The following DEF6 variants were observed in gnomAD, a reference collection of about 807,000 sequenced individuals.
DEF6 encodes DEF6 guanine nucleotide exchange factor, also known as differentially expressed in FDCP 6 homolog.
Under a neutral mutation model 80.5 loss-of-function variants are expected in DEF6, and 32 were observed. That is an observed-to-expected ratio of 0.40 (90% CI 0.30 to 0.53). DEF6 has a LOEUF of 0.53. Ranked by LOEUF, DEF6 falls within the 20% of genes least tolerant of loss-of-function variation. DEF6 has a pLI of 0.57. For synonymous variants in DEF6, 300 were observed against 337.9 expected, an observed-to-expected ratio of 0.89 and a Z score of 1.23; for missense variants, 575 against 818.7, an observed-to-expected ratio of 0.70 and a Z score of 3.63.
At position 35,312,822 on chromosome 6, in the gene DEF6, C is replaced by A. The variant is rs1791485237; in HGVS notation, c.807+50C>A. On this transcript the variant is annotated intron_variant, in intron 5 of 10. Transcript: ENST00000316637. The surrounding 1 kb of genome is among the most constrained non-coding windows in gnomAD (Gnocchi z 6.6). ...GACATCTCAGGGCCCAGAGTGTCCT[C>A]AGGGGCATGAGAAGACAAGGGGGTC... 2 of 1,561,268 alleles carry A rather than the reference C, an allele frequency of 1.3e-6. No individual in the cohort carries two copies. The highest frequency in any genetic ancestry group is 2.3e-5 in the South Asian group (2 of 86,106).
intron 1 of DEF6, among the ~76,000 whole-genome samples, chr6:35,309,265 T>C (rs1252418665): frequency 6.6e-6 from 1 of 152,232 alleles, no homozygotes; most frequent in East Asian, 1.9e-4. Flanking sequence ...TTGTTCAGTG[T>C]GGGTCTTTTG....
chr6:35,318,045 CTCA>C lies in DEF6; in HGVS notation c.916+49_916+51del. ...TTGGGTCTGGGTGGTCCTTAGGCGC[CTCA>C]TCTGTGAAAAGGGGGTGATAATACT... is the stretch of plus-strand genomic sequence containing the variant. On this transcript the variant is annotated intron_variant, in intron 6 of 10. Transcript: ENST00000316637. The surrounding 1 kb of genome is among the most constrained non-coding windows in gnomAD (Gnocchi z 5.1). 6.3e-7 allele frequency: 1 copy of C among 1,578,528 alleles called. No homozygotes were observed. Among genetic ancestry groups the C allele is most frequent in the Non-Finnish European group, 8.6e-7 (1 of 1,161,296 alleles).
At chr6:35,308,702 TA>T (rs1395557155) in intron 1 of DEF6, among the ~76,000 whole-genome samples, 1 of 142,760 alleles carries the variant, frequency 7.0e-6, no homozygotes. Context: ...TAAAATAAAA[TA>T]AAATAAAATA....
At position 35,319,521 on chromosome 6, in the gene DEF6, C is replaced by T. The variant is rs747338907; in HGVS notation, c.1216-3C>T. 6.2e-7 allele frequency: 1 copy of T among 1,607,350 alleles called. No individual in the cohort carries two copies. The highest frequency in any genetic ancestry group is 8.5e-7 in the Non-Finnish European group (1 of 1,176,042). ...CTTGGTCCACCACCTCCCCCCTCCA[C>T]AGGCCCGGGCCTCCATGCAGGCTGA... On this transcript the variant is annotated splice_region_variant and splice_polypyrimidine_tract_variant and intron_variant, in intron 7 of 10. Transcript: ENST00000316637. This position sits in a 1 kb window ranked among gnomAD's most constrained non-coding sequence, Gnocchi z 4.5.
At position 35,297,818 on chromosome 6, in the gene DEF6, AG is replaced by A. The variant is rs775388452; in HGVS notation, c.-38del. On this transcript the variant is annotated 5_prime_UTR_variant, in exon 1 of 11. The change creates a new upstream start codon in the 5' untranslated region. Coordinates refer to ENST00000316637, the MANE Select transcript of DEF6 (RefSeq NM_022047.4). ...TTTGCATTTCCTGAAACCGGATCTT[AG>A]TGTCAGAGCCGCCCCCAGCCGGGCG... The A allele has an allele frequency of 6.5e-7, 1 of 1,527,584 alleles. No individual in the cohort carries two copies. Among genetic ancestry groups the A allele is most frequent in the Non-Finnish European group, 8.9e-7 (1 of 1,124,712 alleles). The allele number at this position is 1,527,584 out of a possible 1,614,324, so 94.6% of individuals were successfully genotyped here.
In DEF6 at chr6:35,318,263, G is replaced by A. The variant is rs1286255577; in HGVS notation, c.1007G>A (p.Arg336Gln). Residue 336 changes from arginine (R) to glutamine (Q), a missense_variant, in exon 7 of 11, where the codon CGG (arginine) becomes CAG (glutamine). Arg to Gln is a conservative substitution (Grantham distance 43). Coordinates refer to ENST00000316637, the MANE Select transcript of DEF6 (RefSeq NM_022047.4). This position sits in a 1 kb window ranked among gnomAD's most constrained non-coding sequence, Gnocchi z 5.1. ...KQKRREQREQ[R>Q]ERRRAAKEEE... ...AAACGGCGCGAGCAGCGGGAGCAGC[G>A]GGAGCGGCGCCGGGCGGCCAAGGAA... is the stretch of plus-strand genomic sequence containing the variant. 2 of 1,581,854 alleles carry A rather than the reference G, an allele frequency of 1.3e-6. No homozygotes were observed. The highest frequency in any genetic ancestry group is 1.7e-6 in the Non-Finnish European group (2 of 1,165,642).
intron 5 of DEF6, among the ~76,000 whole-genome samples, chr6:35,313,531 T>C (rs1791493115): frequency 6.6e-6 from 1 of 152,246 alleles, no homozygotes; most frequent in African/African-American, 2.4e-5. Flanking sequence ...GCCACCCTAC[T>C]GATCTATTGA....
At position 35,312,779 on chromosome 6, in the gene DEF6, G is replaced by A; in HGVS notation, c.807+7G>A. The stretch of plus-strand genomic sequence containing the variant: ...TGCACACTGCTGCGTGGAGGTGAGG[G>A]GCAGGATGGGGGTGGAGGACATCTC... On this transcript the variant is annotated splice_region_variant and intron_variant, in intron 5 of 10. Transcript: ENST00000316637. The surrounding 1 kb of genome is among the most constrained non-coding windows in gnomAD (Gnocchi z 6.6). The A allele has an allele frequency of 6.2e-7, 1 of 1,610,076 alleles. No homozygotes were observed. The highest frequency in any genetic ancestry group is 8.5e-7 in the Non-Finnish European group (1 of 1,178,370).
chr6:35,300,028 G>T (rs1791294551), intron 1 of DEF6, among the ~76,000 whole-genome samples: 1 of 152,062 alleles, frequency 6.6e-6, no homozygotes, highest in Admixed American at 6.6e-5. Flanking sequence ...CTGGTTTTTT[G>T]TTGTTGTTTT....
At chr6:35,300,207 T>A (rs1464389076) in intron 1 of DEF6, among the ~76,000 whole-genome samples, 1 of 152,068 alleles carries the variant, frequency 6.6e-6, no homozygotes, top group Non-Finnish European at 1.5e-5. Flanking sequence ...TTTTTTATTT[T>A]TTAGAGCCTG....
chr6:35,319,477 T>C lies in DEF6; in HGVS notation c.1216-47T>C. 8.7e-7 allele frequency: 1 copy of C among 1,147,092 alleles called. No homozygotes were observed. Among genetic ancestry groups the C allele is most frequent in the South Asian group, 1.3e-5 (1 of 74,446 alleles). 71.1% of individuals were successfully genotyped at this position (1,147,092 alleles called of 1,614,324 possible). ...CACCCCCTCCTCCTCCGCCCCCACGTGCCCCTTTTGACCTGGCTCTTGGTC... is the reference window on the plus strand; with the variant it reads ...CACCCCCTCCTCCTCCGCCCCCACGCGCCCCTTTTGACCTGGCTCTTGGTC... On this transcript the variant is annotated intron_variant, in intron 7 of 10. Transcript: ENST00000316637. This position sits in a 1 kb window ranked among gnomAD's most constrained non-coding sequence, Gnocchi z 4.5.
rs755980828 is a variant in DEF6 at position 35,321,272 on chromosome 6, C to A, written c.1758C>A (p.Thr586=). ...GTGACTCCTCCCTAAAGCGCCTGACCCGCTGGGGATCCCAGGGCAACAGGA... is the reference window on the plus strand; with the variant it reads ...GTGACTCCTCCCTAAAGCGCCTGACACGCTGGGGATCCCAGGGCAACAGGA... The part of the protein sequence containing the change: ...AHRDSSLKRL[T]RWGSQGNRTP... Residue 586 remains threonine, a synonymous_variant, in exon 11 of 11, where the codon ACC becomes ACA. Coordinates refer to ENST00000316637, the MANE Select transcript of DEF6 (RefSeq NM_022047.4). The A allele has an allele frequency of 6.2e-7, 1 of 1,613,876 alleles. No individual in the cohort carries two copies. The highest frequency in any genetic ancestry group is 8.5e-7 in the Non-Finnish European group (1 of 1,180,018).
rs71538302 is a variant in DEF6, at chr6:35,301,727, C to CTT, written c.96+3791_96+3792dup. Among the ~76,000 whole-genome samples the CTT allele has an allele frequency of 9.3e-4, 122 of 131,712 alleles. 14 individuals are homozygous for CTT. The highest frequency in any genetic ancestry group is 1.6e-3 in the East Asian group (7 of 4,446). The allele number at this position is 131,712 out of a possible 152,430, so 86.4% of individuals were successfully genotyped here. On this transcript the variant is annotated intron_variant, in intron 1 of 10. Coordinates refer to ENST00000316637, the MANE Select transcript of DEF6 (RefSeq NM_022047.4). ...TGGTAACTCTTAAAAGGAGCTGTGT[C>CTT]TTTTTTTTTTTTTTTTTAAGACAGA...
Position 35,312,682 on chromosome 6 carries a change from G to A in DEF6, c.717G>A (p.Gln239=), listed in dbSNP as rs762001805. 1 of 1,613,712 alleles carries A rather than the reference G, an allele frequency of 6.2e-7. No individual in the cohort carries two copies. The highest frequency in any genetic ancestry group is 1.1e-5 in the South Asian group (1 of 91,022). ...GGAACTGGGCCGAACGCTGGTTCCA[G>A]CTGCAGCCCAGCTGCCTCTGCTACT... The part of the protein sequence containing the change: ...LRRNWAERWF[Q]LQPSCLCYFG... The change falls in exon 5 of 11, where the codon CAG becomes CAA. Residue 239 remains glutamine (Q), a synonymous_variant. Transcript: ENST00000316637. The surrounding 1 kb of genome is among the most constrained non-coding windows in gnomAD (Gnocchi z 6.6).
At chr6:35,300,345 T>A (rs537997288) in intron 1 of DEF6, among the ~76,000 whole-genome samples, 300 of 152,274 alleles carry the variant, frequency 2.0e-3, no homozygotes, top group African/African-American at 6.9e-3. Flanking sequence ...AAACCATCCC[T>A]AGCGTTAGGG....
At position 35,320,982 on chromosome 6, in the gene DEF6, G is replaced by A. The variant is rs763157345; in HGVS notation, c.1672+8G>A. ...ATCCAATTGAGCCTGGAGGTGAGAA[G>A]GAATAGACTCTGGAGCTTTCCCTGG... On this transcript the variant is annotated splice_region_variant and intron_variant, in intron 10 of 10. Transcript: ENST00000316637. 2.6e-5 allele frequency: 42 copies of A among 1,612,542 alleles called. No homozygotes were observed. The highest frequency in any genetic ancestry group is 1.3e-4 in the Admixed American group (8 of 59,780).
chr6:35,318,905 G>A lies in DEF6; in HGVS notation c.1215+434G>A, dbSNP rs763094364. 3.3e-5 allele frequency among the ~76,000 whole-genome samples: 5 copies of A among 152,130 alleles called. No homozygotes were observed. The highest frequency in any genetic ancestry group is 5.9e-5 in the Non-Finnish European group (4 of 68,020). On this transcript the variant is annotated intron_variant, in intron 7 of 10. Coordinates refer to ENST00000316637, the MANE Select transcript of DEF6 (RefSeq NM_022047.4). The surrounding 1 kb of genome is among the most constrained non-coding windows in gnomAD (Gnocchi z 5.1). ...TATGGAGGCGGACTAGGTGTGCAGA[G>A]GCAATTAGATTTAGGATTTAAGAAA...
chr6:35,313,152 C>G (rs1416790265), intron 5 of DEF6, among the ~76,000 whole-genome samples: 2 of 152,178 alleles, frequency 1.3e-5, no homozygotes, highest in African/African-American at 4.8e-5. Flanking sequence ...TTCCATACCC[C>G]TCTCCTCTGT....
chr6:35,313,293 C>T (rs1022186207), intron 5 of DEF6: 31 of 424,048 alleles, frequency 7.3e-5, no homozygotes, highest in African/African-American at 4.0e-4. Context: ...CTATTTTAAG[C>T]GTACAATTCA....
Sources: allele counts gnomAD v4.1 joint callset (sites outside exome capture counted in the v4.1 genomes callset), GRCh38; gene constraint gnomAD v4.1.1; non-coding constraint Gnocchi (gnomAD v3.1); transcripts MANE v1.5; gene names NCBI Gene and HGNC (gene_info 2026-07-23, HGNC 2026-07-21).